Variants in SCART1 observed in about 807,000 individuals in gnomAD.
The protein encoded by SCART1 is scavenger receptor family member expressed on T cells 1.
A neutral mutation model predicts 36.2 loss-of-function variants in SCART1; 62 were observed. That is an observed-to-expected ratio of 1.71 (90% CI 1.40 to 2.12). SCART1 has a LOEUF of 2.12. Ranked by LOEUF, SCART1 falls within the 30% of genes most tolerant of loss-of-function variation. The pLI, the probability that SCART1 is intolerant of heterozygous loss-of-function variation, is 0.00. For missense variants in SCART1, 1,041 were observed against 540.5 expected (o/e 1.93, Z -9.18); for synonymous variants, 487 against 238.7 (o/e 2.04, Z -9.59).
exon 9 of SCART1, chr10:133,465,497 G>T: frequency 1.9e-6 from 1 of 524,354 alleles, no homozygotes. Context: ...TCCCTGTGGG[G>T]CTGCCCTGCG....
exon 6 of SCART1, chr10:133,459,664 C>T: frequency 2.9e-6 from 2 of 695,214 alleles, no homozygotes; most frequent in Middle Eastern, 2.3e-4. Flanking sequence ...GACGCACCTG[C>T]CCCCAGCCGC....
chr10:133,460,114 C>T (rs996329913), exon 6 of SCART1: 16 of 515,878 alleles, frequency 3.1e-5, no homozygotes, highest in African/African-American at 1.2e-4. Flanking sequence ...TGCCCGTCGG[C>T]GGGCTGGGGG....
intron 1 of SCART1, among the ~76,000 whole-genome samples, chr10:133,454,671 G>A (rs1333034831): frequency 2.0e-5 from 3 of 152,154 alleles, no homozygotes; most frequent in East Asian, 1.9e-4. Flanking sequence ...TGTGGGGCTG[G>A]GCGGGAGGCA....
intron 1 of SCART1, among the ~76,000 whole-genome samples, chr10:133,455,222 G>A (rs998038433): frequency 7.9e-5 from 12 of 152,164 alleles, no homozygotes; most frequent in African/African-American, 2.7e-4. Flanking sequence ...AGCTGAGATC[G>A]TGCCATTGCA....
Position 133,456,084 on chromosome 10 carries a change from G to A in SCART1, c.68-153G>A, listed in dbSNP as rs551627080. 1.3e-3 allele frequency among the ~76,000 whole-genome samples: 193 copies of A among 152,220 alleles called. 2 individuals are homozygous for A. The highest frequency in any genetic ancestry group is 4.3e-3 in the African/African-American group (177 of 41,540). On this transcript the variant is annotated intron_variant, in intron 1 of 11. Coordinates refer to ENST00000640237, the Ensembl canonical transcript of SCART1. Reference sequence around the variant, plus strand: ...TGGGGTGAGGGTTTCTCTGTGAGCCGCGCCCATCACCTCTCTGGGACTGCT... The same window carrying A: ...TGGGGTGAGGGTTTCTCTGTGAGCCACGCCCATCACCTCTCTGGGACTGCT...
chr10:133,455,383 G>A (rs1850595981), intron 1 of SCART1, among the ~76,000 whole-genome samples: 1 of 152,094 alleles, frequency 6.6e-6, no homozygotes, highest in Non-Finnish European at 1.5e-5. Context: ...AGAGAGAGGA[G>A]ATTCAAGGCT....
At chr10:133,458,652 C>G (rs999446995) in exon 4 of SCART1, 23 of 700,342 alleles carry the variant, frequency 3.3e-5, no homozygotes, top group Non-Finnish European at 5.7e-5. Context: ...GGCTCAGGTG[C>G]TCAGGTGAAG....
Position 133,465,382 on chromosome 10 carries a change from C to T in SCART1, c.2476C>T (p.Gln826Ter). The change falls in exon 9 of 12, where the codon CAG (glutamine) becomes TAG (stop). Residue 826 changes from glutamine to a stop codon, truncating the protein, a stop_gained. Transcript: ENST00000640237. LOFTEE classifies it high-confidence loss of function. ...GGCGGACGCGGAGGTCGTGTGCCGC[C>T]AGCTGGGCTGTGGTCGGGCCGTCGC... 3.0e-6 allele frequency: 2 copies of T among 660,012 alleles called. No individual in the cohort carries two copies. The highest frequency in any genetic ancestry group is 5.4e-6 in the Non-Finnish European group (2 of 367,320). The allele number at this position is 660,012 out of a possible 1,614,324, so 40.9% of individuals were successfully genotyped here.
rs567443709 is a variant in SCART1 at position 133,457,122 on chromosome 10, C to A, written c.386-157C>A. The A allele has an allele frequency of 8.3e-6, 5 of 605,968 alleles. No homozygotes were observed. In the South Asian group the frequency reaches 1.0e-4, roughly 12 times the overall value. 37.5% of individuals were successfully genotyped at this position (605,968 alleles called of 1,614,324 possible). On this transcript the variant is annotated intron_variant, in intron 2 of 11. Coordinates refer to ENST00000640237, the Ensembl canonical transcript of SCART1. ...AGAGCATGAAGCTGGGCACAGGGGT[C>A]TCTCTGAGCCCAGGGCCCTGTGTGA... is the stretch of plus-strand genomic sequence containing the variant.
chr10:133,465,916 G>T, intron 9 of SCART1: 1 of 676,828 alleles, frequency 1.5e-6, no homozygotes, highest in East Asian at 2.9e-5. Context: ...AGCAAAAGCA[G>T]CAGCAGTGGT....
exon 7 of SCART1, chr10:133,464,687 C>T (rs1386526221): frequency 2.9e-6 from 2 of 700,136 alleles, no homozygotes; most frequent in African/African-American, 1.7e-5. Context: ...ACCTGGGGCG[C>T]CATGTGCAGC....
At chr10:133,458,982 G>C (rs192559196) in intron 4 of SCART1, 39 bp from the exon 5 acceptor site, 1 of 645,794 alleles carries the variant, frequency 1.5e-6, no homozygotes, top group South Asian at 1.7e-5. Context: ...GTTCTGGGTC[G>C]GCCGTCTGCA....
At chr10:133,465,721 G>A in intron 9 of SCART1, 156 bp downstream of exon 9, 1 of 623,006 alleles carries the variant, frequency 1.6e-6, no homozygotes, top group East Asian at 2.8e-5. Flanking sequence ...CTGATTTGCT[G>A]TGGAGGCCTG....
At chr10:133,458,956 G>T in intron 4 of SCART1, 65 bp from the exon 5 acceptor site, 2 of 630,486 alleles carry the variant, frequency 3.2e-6, no homozygotes, top group South Asian at 3.6e-5. Flanking sequence ...GGAAGGAAAT[G>T]ACCACAGACA....
intron 3 of SCART1, chr10:133,457,780 G>A: frequency 1.8e-6 from 1 of 560,970 alleles, no homozygotes; most frequent in Non-Finnish European, 3.1e-6. Flanking sequence ...GCCCCACAGA[G>A]GTGTCCTGGC....
chr10:133,456,622 T>TGGGAGGACGCAG lies in SCART1; in HGVS notation c.385+69_385+80dup, dbSNP rs1479303198. Reference sequence around the variant, plus strand: ...GGAGTGGGAGGACGAGGAGGAGGACTGGGAGGACGCAGAGGAGGACTGGGA... The same window carrying TGGGAGGACGCAG: ...GGAGTGGGAGGACGAGGAGGAGGACTGGGAGGACGCAGGGGAGGACGCAGAGGAGGACTGGGA... On this transcript the variant is annotated intron_variant, in intron 2 of 11. Coordinates refer to ENST00000640237, the Ensembl canonical transcript of SCART1. 19 of 597,862 alleles carry TGGGAGGACGCAG rather than the reference T, an allele frequency of 3.2e-5. No individual in the cohort carries two copies. The East Asian group carries it at 5.1e-4, about 16-fold the overall frequency. 37.0% of individuals were successfully genotyped at this position (597,862 alleles called of 1,614,324 possible). A position where few individuals can be genotyped will look rare whatever the true frequency, so the allele number is the denominator to read the frequency against.
At chr10:133,468,686 A>G (rs1385087595) in exon 12 of SCART1, 1 of 152,186 alleles carries the variant, frequency 6.6e-6, no homozygotes, top group Non-Finnish European at 1.5e-5. Context: ...TTTGCTTTTT[A>G]TCATAAGTGT....
rs114223566 is a variant in SCART1, at chr10:133,466,447, G to A, written c.2806+66G>A. 901 of 676,026 alleles carry A rather than the reference G, an allele frequency of 1.3e-3. 8 individuals are homozygous for A. In the African/African-American group the frequency reaches 0.015, roughly 11 times the overall value. The allele number at this position is 676,026 out of a possible 1,614,324, so 41.9% of individuals were successfully genotyped here. A position where few individuals can be genotyped will look rare whatever the true frequency, so the allele number is the denominator to read the frequency against. On this transcript the variant is annotated intron_variant, in intron 10 of 11. Coordinates refer to ENST00000640237, the Ensembl canonical transcript of SCART1. Reference sequence around the variant, plus strand: ...GGAGCAAGAGCAGCTCACAGCTCCAGCCTGGTGTTGGGGTCTGGGCAGGCG... The same window carrying A: ...GGAGCAAGAGCAGCTCACAGCTCCAACCTGGTGTTGGGGTCTGGGCAGGCG...
chr10:133,465,847 T>G (rs1850759152), intron 9 of SCART1: 1 of 694,206 alleles, frequency 1.4e-6, no homozygotes, highest in Non-Finnish European at 2.6e-6. Context: ...CAGGTTCAGT[T>G]GTTCCCTGCA....
Sources: gnomAD v4.1 joint callset for allele counts (sites outside exome capture counted in the v4.1 genomes callset) on GRCh38, gnomAD v4.1.1 for gene constraint, MANE v1.5 for transcripts, NCBI Gene and HGNC (gene_info 2026-07-23, HGNC 2026-07-21) for gene names.